HTR1F: variants seen among roughly 807,000 people sequenced by gnomAD.
The protein encoded by HTR1F is 5-hydroxytryptamine receptor 1F.
Under a neutral mutation model 24.0 loss-of-function variants are expected in HTR1F, and 17 were observed. The observed-to-expected ratio is 0.71, with a 90% CI of 0.48 to 1.06. The LOEUF is 1.06. HTR1F is among the 50% of genes least tolerant of loss of function. The pLI, the probability that HTR1F is intolerant of heterozygous loss-of-function variation, is 0.00. For missense variants in HTR1F, 391 were observed against 427.8 expected, an observed-to-expected ratio of 0.91 and a Z score of 0.76; for synonymous variants, 186 against 156.8, an observed-to-expected ratio of 1.19 and a Z score of -1.39.
At chr3:87,851,700 C>G (rs982534979) in intron 2 of HTR1F, among the ~76,000 whole-genome samples, 1 of 151,594 alleles carries the variant, frequency 6.6e-6, no homozygotes, top group African/African-American at 2.4e-5. Flanking sequence ...CCCTGAACAT[C>G]TATCCTAATG....
rs369908513 is a variant in HTR1F at position 87,816,751 on chromosome 3, C to T, written c.-159-5257C>T. ...AGAACATGCCTTTAATCCTTCTGTA[C>T]GTAGTGACTAGTGACTAAAATAAGG... On this transcript the variant is annotated intron_variant, in intron 1 of 2. Coordinates refer to ENST00000319595, the MANE Select transcript of HTR1F (RefSeq NM_001322209.2). 4.6e-5 allele frequency among the ~76,000 whole-genome samples: 7 copies of T among 152,116 alleles called. No homozygotes were observed. The South Asian group carries it at 6.2e-4, about 14-fold the overall frequency.
intron 2 of HTR1F, among the ~76,000 whole-genome samples, chr3:87,861,830 A>G (rs1399792591): frequency 1.3e-5 from 2 of 152,140 alleles, no homozygotes; most frequent in Non-Finnish European, 2.9e-5. Flanking sequence ...ATATTGTTAG[A>G]CAAGTGCTCT....
chr3:87,971,243 A>T (rs1705279345), intron 2 of HTR1F, among the ~76,000 whole-genome samples: 1 of 152,114 alleles, frequency 6.6e-6, no homozygotes, highest in Admixed American at 6.5e-5. Context: ...AATAAATTTG[A>T]TTGGTTCGTT....
At chr3:87,931,318 G>C (rs927104203) in intron 2 of HTR1F, among the ~76,000 whole-genome samples, 1 of 151,868 alleles carries the variant, frequency 6.6e-6, no homozygotes, top group African/African-American at 2.4e-5. Flanking sequence ...TTGTCCTTGT[G>C]ATAGTTTACT....
chr3:87,913,052 T>C (rs1425466327), intron 2 of HTR1F, among the ~76,000 whole-genome samples: 2 of 151,916 alleles, frequency 1.3e-5, no homozygotes, highest in African/African-American at 4.8e-5. Flanking sequence ...GATGAAGACC[T>C]CAAAACAACT....
chr3:87,830,584 C>A (rs1386889028), intron 2 of HTR1F, among the ~76,000 whole-genome samples: 1 of 152,040 alleles, frequency 6.6e-6, no homozygotes, highest in Non-Finnish European at 1.5e-5. Context: ...TGGAAATAAT[C>A]CTTTATTGAA....
chr3:87,915,724 C>T (rs1302045287), intron 2 of HTR1F, among the ~76,000 whole-genome samples: 1 of 151,994 alleles, frequency 6.6e-6, no homozygotes, highest in Non-Finnish European at 1.5e-5. Flanking sequence ...ACAATCAAAC[C>T]TAAGAATAAT....
At chr3:87,977,654 C>T (rs1705427665) in intron 2 of HTR1F, among the ~76,000 whole-genome samples, 1 of 151,734 alleles carries the variant, frequency 6.6e-6, no homozygotes, top group Non-Finnish European at 1.5e-5. Flanking sequence ...ATCTCCTGAC[C>T]TCATGATCCG....
chr3:87,942,472 C>T (rs1228954699), intron 2 of HTR1F, among the ~76,000 whole-genome samples: 1 of 152,022 alleles, frequency 6.6e-6, no homozygotes, highest in Non-Finnish European at 1.5e-5. Context: ...GCCCCGGGCA[C>T]CCTCAGTCCT....
intron 2 of HTR1F, among the ~76,000 whole-genome samples, chr3:87,880,693 C>CA (rs1160497994): frequency 1.4e-5 from 2 of 144,760 alleles, no homozygotes; most frequent in African/African-American, 5.2e-5. Context: ...TGAGTATGTC[C>CA]ATATATGGCG....
chr3:87,840,880 T>C (rs1045013361), intron 2 of HTR1F, among the ~76,000 whole-genome samples: 39 of 150,642 alleles, frequency 2.6e-4, no homozygotes, highest in African/African-American at 9.2e-4. Flanking sequence ...TATAAAAACA[T>C]TGAACTCATA....
chr3:87,959,888 T>C (rs1379808434), intron 2 of HTR1F, among the ~76,000 whole-genome samples: 1 of 151,904 alleles, frequency 6.6e-6, no homozygotes, highest in Non-Finnish European at 1.5e-5. Flanking sequence ...ATGTCATTTA[T>C]ATAGAAAAAG....
At chr3:87,915,676 T>C (rs1334538090) in intron 2 of HTR1F, among the ~76,000 whole-genome samples, 1 of 151,824 alleles carries the variant, frequency 6.6e-6, no homozygotes, top group Non-Finnish European at 1.5e-5. Flanking sequence ...AATGAGAAAA[T>C]ATGAACAAAG....
At chr3:87,874,983 T>C (rs531354205) in intron 2 of HTR1F, among the ~76,000 whole-genome samples, 1 of 152,206 alleles carries the variant, frequency 6.6e-6, no homozygotes, top group East Asian at 1.9e-4. Context: ...AAAAATCAAC[T>C]TAAAATGGAT....
intron 2 of HTR1F, among the ~76,000 whole-genome samples, chr3:87,971,366 G>C (rs1576105114): frequency 6.6e-6 from 1 of 152,024 alleles, no homozygotes; most frequent in Non-Finnish European, 1.5e-5. Flanking sequence ...CCAGGAGCTT[G>C]AGATTAGCCT....
intron 2 of HTR1F, among the ~76,000 whole-genome samples, chr3:87,986,667 G>A (rs1204275291): frequency 1.3e-5 from 2 of 152,032 alleles, no homozygotes; most frequent in Non-Finnish European, 2.9e-5. Flanking sequence ...GTTTAAAATT[G>A]TATTCAAAAG....
chr3:87,924,872 C>A (rs1047135181), intron 2 of HTR1F, among the ~76,000 whole-genome samples: 13 of 152,068 alleles, frequency 8.5e-5, no homozygotes, highest in African/African-American at 3.1e-4. Context: ...CAATCTATTG[C>A]AGAATTTATT....
At chr3:87,969,770 A>G (rs1422248113) in intron 2 of HTR1F, among the ~76,000 whole-genome samples, 1 of 152,126 alleles carries the variant, frequency 6.6e-6, no homozygotes, top group Non-Finnish European at 1.5e-5. Flanking sequence ...GCCAGGGTGG[A>G]ATAATATGGT....
chr3:87,969,208 C>T (rs1295544490), intron 2 of HTR1F, among the ~76,000 whole-genome samples: 1 of 152,346 alleles, frequency 6.6e-6, no homozygotes, highest in East Asian at 1.9e-4. Flanking sequence ...CCCACTGGGG[C>T]ACTGCCTAGT....
Sources: gnomAD v4.1 joint callset for allele counts (sites outside exome capture counted in the v4.1 genomes callset) on GRCh38, gnomAD v4.1.1 for gene constraint, MANE v1.5 for transcripts, NCBI Gene and HGNC (gene_info 2026-07-23, HGNC 2026-07-21) for gene names.